WDFY2: variants seen among roughly 807,000 people sequenced by gnomAD.
The protein encoded by WDFY2 is WD repeat and FYVE domain containing 2.
In WDFY2, 36 loss-of-function variants were observed where a neutral mutation model predicts 56.4. The ratio of observed to expected loss-of-function variants is 0.64; its 90% confidence interval spans 0.49 to 0.84. WDFY2 has a LOEUF of 0.84. Among genes scored for constraint, WDFY2 ranks in the 40% least tolerant of loss-of-function variants. WDFY2 has a pLI of 0.00. For missense variants in WDFY2, 444 were observed against 512.2 expected, an observed-to-expected ratio of 0.87 and a Z score of 1.29; for synonymous variants, 176 against 183.7, an observed-to-expected ratio of 0.96 and a Z score of 0.34.
chr13:51,694,550 C>T (rs1231047703), intron 3 of WDFY2, among the ~76,000 whole-genome samples: 15 of 152,158 alleles, frequency 9.9e-5, no homozygotes, highest in African/African-American at 2.7e-4. Flanking sequence ...CCCAGAGATC[C>T]GCTGTTAGTC....
rs74433713 is a variant in WDFY2, at chr13:51,597,182, A to G, written c.137+12358A>G. Among the ~76,000 whole-genome samples the G allele has an allele frequency of 7.4e-3, 1,131 of 152,334 alleles. 15 individuals are homozygous for G. Among genetic ancestry groups the G allele is most frequent in the South Asian group, 0.028 (134 of 4,830 alleles). On this transcript the variant is annotated intron_variant, in intron 1 of 11. Transcript: ENST00000298125. Reference sequence around the variant, plus strand: ...ATAGATCATTGTCAGAATTGAACCCAGAAGAACTGTATACTATATACCAAG... The same window carrying G: ...ATAGATCATTGTCAGAATTGAACCCGGAAGAACTGTATACTATATACCAAG...
intron 1 of WDFY2, chr13:51,594,363 A>G (rs1954106708): frequency 2.0e-5 from 3 of 152,218 alleles, no homozygotes; most frequent in African/African-American, 7.2e-5. Context: ...AGTGTATTTC[A>G]TTAGGTGGCA....
intron 1 of WDFY2, among the ~76,000 whole-genome samples, chr13:51,604,338 C>T (rs866675077): frequency 6.6e-6 from 1 of 152,136 alleles, no homozygotes; most frequent in Non-Finnish European, 1.5e-5. Flanking sequence ...TTGAGAGAAA[C>T]ATCTATGATT....
At chr13:51,751,648 T>G (rs1013221590) in intron 8 of WDFY2, among the ~76,000 whole-genome samples, 1 of 152,102 alleles carries the variant, frequency 6.6e-6, no homozygotes, top group African/African-American at 2.4e-5. Context: ...TGTTTAAATC[T>G]GTTACACCAT....
At chr13:51,712,539 A>G (rs1374010068) in intron 4 of WDFY2, among the ~76,000 whole-genome samples, 1 of 152,192 alleles carries the variant, frequency 6.6e-6, no homozygotes, top group Admixed American at 6.5e-5. Context: ...CTATATTAGA[A>G]AACAAGAAGG....
intron 1 of WDFY2, among the ~76,000 whole-genome samples, chr13:51,643,538 T>C (rs1955213894): frequency 6.6e-6 from 1 of 152,220 alleles, no homozygotes; most frequent in African/African-American, 2.4e-5. Flanking sequence ...CGATTTCTCC[T>C]ACAGGGTGGT....
chr13:51,759,683 G>A, intron 11 of WDFY2, 57 bp from the exon 12 acceptor site: 3 of 1,571,974 alleles, frequency 1.9e-6, no homozygotes, highest in Middle Eastern at 1.7e-4. Flanking sequence ...CAGTTCTAAG[G>A]ACTGTTATCC....
At chr13:51,722,160 A>G (rs1191859220) in intron 5 of WDFY2, among the ~76,000 whole-genome samples, 1 of 151,994 alleles carries the variant, frequency 6.6e-6, no homozygotes, top group Admixed American at 6.6e-5. Context: ...GTAGACAGCT[A>G]ATGGTAGATA....
rs990705609 is a variant in WDFY2 at position 51,761,605 on chromosome 13, A to G, written c.*1836A>G. ...GAGTGAAATTGAAATCCTCCCTATTATTTTCCCTCTTTTCCTGGAAAGCCG... is the reference window on the plus strand; with the variant it reads ...GAGTGAAATTGAAATCCTCCCTATTGTTTTCCCTCTTTTCCTGGAAAGCCG... On this transcript the variant is annotated 3_prime_UTR_variant, in exon 12 of 12. Transcript: ENST00000298125. The G allele has an allele frequency of 2.0e-5, 3 of 151,918 alleles. No homozygotes were observed. Among genetic ancestry groups the G allele is most frequent in the African/African-American group, 7.3e-5 (3 of 41,336 alleles). The allele number at this position is 151,918 out of a possible 1,614,324, so 9.4% of individuals were successfully genotyped here. A position where few individuals can be genotyped will look rare whatever the true frequency, so the allele number is the denominator to read the frequency against.
chr13:51,612,983 G>A (rs184704486), intron 1 of WDFY2, among the ~76,000 whole-genome samples: 261 of 152,144 alleles, frequency 1.7e-3, no homozygotes, highest in African/African-American at 5.6e-3. Flanking sequence ...GGTGGGGGAG[G>A]GTTAGGTGTT....
In WDFY2 at chr13:51,587,670, A is replaced by G. The variant is rs555272377; in HGVS notation, c.137+2846A>G. On this transcript the variant is annotated intron_variant, in intron 1 of 11. Transcript: ENST00000298125. Reference sequence around the variant, plus strand: ...TGCATACATGGTAATGATGAAAATGATAAGGTCCTTTCAAGATGCTCACAA... The same window carrying G: ...TGCATACATGGTAATGATGAAAATGGTAAGGTCCTTTCAAGATGCTCACAA... 7 of 152,344 alleles carry G rather than the reference A, an allele frequency of 4.6e-5. No individual in the cohort carries two copies. The South Asian group carries it at 1.4e-3, about 32-fold the overall frequency. 9.4% of individuals were successfully genotyped at this position (152,344 alleles called of 1,614,324 possible).
chr13:51,739,860 C>T (rs1419846679), intron 7 of WDFY2, among the ~76,000 whole-genome samples: 1 of 152,218 alleles, frequency 6.6e-6, no homozygotes, highest in Admixed American at 6.5e-5. Context: ...CCACTGGTGA[C>T]CCTCAGCCCA....
chr13:51,755,963 T>C (rs1953367182), intron 9 of WDFY2, among the ~76,000 whole-genome samples: 1 of 152,088 alleles, frequency 6.6e-6, no homozygotes, highest in African/African-American at 2.4e-5. Flanking sequence ...GTTTCCTGCA[T>C]GTTCTCCTTC....
intron 4 of WDFY2, among the ~76,000 whole-genome samples, chr13:51,712,111 G>A (rs1593440251): frequency 6.6e-6 from 1 of 152,184 alleles, no homozygotes; most frequent in South Asian, 2.1e-4. Flanking sequence ...GGAATACTAT[G>A]CAGCCATAAA....
chr13:51,601,539 C>T (rs1038363681), intron 1 of WDFY2, among the ~76,000 whole-genome samples: 4 of 151,978 alleles, frequency 2.6e-5, no homozygotes, highest in South Asian at 2.1e-4. Flanking sequence ...CTCAGCCTCC[C>T]GAGTTGCTAG....
chr13:51,709,218 A>G (rs1332500989), intron 4 of WDFY2, among the ~76,000 whole-genome samples: 1 of 152,158 alleles, frequency 6.6e-6, no homozygotes, highest in Non-Finnish European at 1.5e-5. Flanking sequence ...TTTATACATT[A>G]TTTTCAAGTA....
At chr13:51,743,083 C>T (rs1239212171) in intron 7 of WDFY2, among the ~76,000 whole-genome samples, 1 of 152,200 alleles carries the variant, frequency 6.6e-6, no homozygotes, top group African/African-American at 2.4e-5. Context: ...CAAATGACAG[C>T]TTTCTGCTCA....
chr13:51,756,383 C>T lies in WDFY2; in HGVS notation c.985C>T (p.Arg329Cys), dbSNP rs150232196. ...CGTCTGTGGCAAGTGCAGCTCCAAGCGCTCCTCCATCCCCCTGATGGGCTT... is the reference window on the plus strand; with the variant it reads ...CGTCTGTGGCAAGTGCAGCTCCAAGTGCTCCTCCATCCCCCTGATGGGCTT... ...KAVCGKCSSK[R>C]SSIPLMGFEF... The change falls in exon 10 of 12, where the codon CGC becomes TGC. Residue 329 changes from arginine (R) to cysteine (C), a missense_variant. Transcript: ENST00000298125. 1.1e-5 allele frequency: 18 copies of T among 1,613,984 alleles called. No homozygotes were observed. Among genetic ancestry groups the T allele is most frequent in the Non-Finnish European group, 1.4e-5 (16 of 1,179,988 alleles).
In WDFY2 at chr13:51,689,227, G is replaced by A. The variant is rs989707975; in HGVS notation, c.279+13984G>A. ...TGCAGTCAGTGTTGGGGAACCGGGG[G>A]TGGGAGGGCACAAAAACCTGTTACC... On this transcript the variant is annotated intron_variant, in intron 3 of 11. Coordinates refer to ENST00000298125, the MANE Select transcript of WDFY2 (RefSeq NM_052950.4). Among the ~76,000 whole-genome samples the A allele has an allele frequency of 3.9e-5, 6 of 152,136 alleles. No homozygotes were observed. In the East Asian group the frequency reaches 9.6e-4, roughly 24 times the overall value.
Sources: allele counts gnomAD v4.1 joint callset (sites outside exome capture counted in the v4.1 genomes callset), GRCh38; gene constraint gnomAD v4.1.1; transcripts MANE v1.5; gene names NCBI Gene and HGNC (gene_info 2026-07-23, HGNC 2026-07-21).